MYMK: variants seen among roughly 807,000 people sequenced by gnomAD.
MYMK encodes protein myomaker.
Under a neutral mutation model 22.4 loss-of-function variants are expected in MYMK, and 16 were observed. The observed-to-expected ratio is 0.72, with a 90% CI of 0.48 to 1.09. MYMK has a LOEUF of 1.09. MYMK is among the 50% of genes least tolerant of loss of function. The probability of loss-of-function intolerance (pLI) is 0.00; values close to 1 mark genes in which losing one functional copy is unlikely to be tolerated. For synonymous variants in MYMK, 125 were observed against 127.0 expected (o/e 0.98, Z 0.11); for missense variants, 250 against 295.6 (o/e 0.85, Z 1.13).
intron 3 of MYMK, among the ~76,000 whole-genome samples, chr9:133,517,594 A>G (rs9802874): frequency 0.58 from 86,490 of 150,286 alleles, 25,562 homozygotes; most frequent in Admixed American, 0.73. Flanking sequence ...TCAACCCGGG[A>G]GGCGGAGGTT....
chr9:133,523,953 A>T (rs1043288829), intron 1 of MYMK, among the ~76,000 whole-genome samples: 2 of 152,126 alleles, frequency 1.3e-5, no homozygotes, highest in Non-Finnish European at 2.9e-5. Context: ...AGAAAGAGAG[A>T]GAGAGAAGAC....
chr9:133,520,779 G>T (rs1050608240), intron 1 of MYMK, among the ~76,000 whole-genome samples: 1 of 152,162 alleles, frequency 6.6e-6, no homozygotes, highest in African/African-American at 2.4e-5. Flanking sequence ...GGCTCCTGGG[G>T]CCTTCTCTTG....
chr9:133,519,608 A>G (rs944794227), intron 2 of MYMK, among the ~76,000 whole-genome samples: 3 of 152,212 alleles, frequency 2.0e-5, no homozygotes, highest in Non-Finnish European at 2.9e-5. Context: ...AATCTATCCC[A>G]TAGGATCACA....
chr9:133,520,519 G>A (rs1844690850), intron 1 of MYMK, among the ~76,000 whole-genome samples: 1 of 152,242 alleles, frequency 6.6e-6, no homozygotes, highest in Admixed American at 6.5e-5. Flanking sequence ...TTTAGGGGCT[G>A]GGGTGTGCCA....
At chr9:133,517,236 C>A (rs1844642725) in intron 3 of MYMK, among the ~76,000 whole-genome samples, 1 of 152,232 alleles carries the variant, frequency 6.6e-6, no homozygotes, top group East Asian at 1.9e-4. Flanking sequence ...TGCCACCCAC[C>A]TTGGTCCAGC....
Position 133,514,751 on chromosome 9 carries a change from T to C in MYMK, c.551A>G (p.His184Arg). The change falls in exon 5 of 5, where the codon CAC becomes CGC. Residue 184 changes from histidine to arginine, a missense_variant. By Grantham distance (29) the His-to-Arg change is conservative. Transcript: ENST00000339996. ...WDYTYVHSFYHCALAMSFVLL... is the reference protein window; with the variant it reads ...WDYTYVHSFYRCALAMSFVLL... Reference sequence around the variant, plus strand: ...AACAAAGGACATAGCCAGGGCACAGTGGTAGAAGCTGTGGACATAAGTGTA... The same window carrying C: ...AACAAAGGACATAGCCAGGGCACAGCGGTAGAAGCTGTGGACATAAGTGTA... 6.2e-7 allele frequency: 1 copy of C among 1,614,004 alleles called. No homozygotes were observed. The highest frequency in any genetic ancestry group is 8.5e-7 in the Non-Finnish European group (1 of 1,179,910).
rs372031523 is a variant in MYMK, at chr9:133,514,660, G to A, written c.642C>T (p.Ser214=). 32 of 1,613,736 alleles carry A rather than the reference G, an allele frequency of 2.0e-5. No homozygotes were observed. The African/African-American group carries it at 3.1e-4, about 15-fold the overall frequency. Residue 214 remains serine (S), a synonymous_variant, in exon 5 of 5, where the codon TCC becomes TCT. Coordinates refer to ENST00000339996, the MANE Select transcript of MYMK (RefSeq NM_001080483.3). ...SPGTPAKLDC[S]TLCCACV ...ATCAGACACAAGCACAGCACAGGGT[G>A]GAGCAGTCCAGCTTGGCCGGGGTCC...
chr9:133,519,833 CT>C (rs1374415494), intron 2 of MYMK, among the ~76,000 whole-genome samples: 4 of 152,320 alleles, frequency 2.6e-5, no homozygotes, highest in African/African-American at 7.2e-5. Flanking sequence ...GCCAACCCCC[CT>C]GAGCAGTGAA....
chr9:133,519,223 T>G (rs1844669786), intron 2 of MYMK, among the ~76,000 whole-genome samples: 1 of 152,030 alleles, frequency 6.6e-6, no homozygotes, highest in Non-Finnish European at 1.5e-5. Context: ...AGCCTGCTGC[T>G]TCCCCATGGA....
intron 1 of MYMK, among the ~76,000 whole-genome samples, chr9:133,523,711 GAGAGAGAGAC>G (rs1250383260): frequency 1.1e-5 from 1 of 92,736 alleles, no homozygotes; most frequent in Non-Finnish European, 2.6e-5. Flanking sequence ...GAGAGAGAGA[GAGAGAGAGAC>G]AAGCTGGAGA....
intron 1 of MYMK, among the ~76,000 whole-genome samples, chr9:133,521,949 C>T (rs1441625366): frequency 6.6e-6 from 1 of 152,216 alleles, no homozygotes; most frequent in Non-Finnish European, 1.5e-5. Context: ...CTGTCTGGTC[C>T]CAGTTGCATG....
Position 133,514,784 on chromosome 9 carries a change from T to G in MYMK, c.518A>C (p.Asp173Ala), listed in dbSNP as rs368661960. 5 of 1,613,310 alleles carry G rather than the reference T, an allele frequency of 3.1e-6. No individual in the cohort carries two copies. Among genetic ancestry groups the G allele is most frequent in the African/African-American group, 1.3e-5 (1 of 74,896 alleles). ...GCTGTGGACATAAGTGTAGTCCCAG[T>G]CCTGCGGGGGGCAAGCGGTCAGTCT... ...LALMLRFFFE[D>A]WDYTYVHSFY... Residue 173 changes from aspartate (D) to alanine (A), a missense_variant and splice_region_variant, in exon 5 of 5, where the codon GAC becomes GCC. Asp to Ala is a moderately radical substitution (Grantham distance 126, BLOSUM62 -2). Coordinates refer to ENST00000339996, the MANE Select transcript of MYMK (RefSeq NM_001080483.3).
rs1233219959 is a variant in MYMK at position 133,516,173 on chromosome 9, G to T, written c.400-566C>A. Reference sequence around the variant, plus strand: ...TCGCGTGGGCGTTTCCACTTACAGAGGGGTTTGCATTCCGAGGAAGATGCG... The same window carrying T: ...TCGCGTGGGCGTTTCCACTTACAGATGGGTTTGCATTCCGAGGAAGATGCG... On this transcript the variant is annotated intron_variant, in intron 3 of 4. Coordinates refer to ENST00000339996, the MANE Select transcript of MYMK (RefSeq NM_001080483.3). Among the ~76,000 whole-genome samples the T allele has an allele frequency of 2.0e-5, 3 of 152,390 alleles. No homozygotes were observed. The East Asian group carries it at 5.8e-4, about 29-fold the overall frequency.
At chr9:133,517,080 G>A (rs1844640767) in intron 3 of MYMK, among the ~76,000 whole-genome samples, 1 of 152,186 alleles carries the variant, frequency 6.6e-6, no homozygotes, top group African/African-American at 2.4e-5. Context: ...GCTCTTGGTG[G>A]GAAACACAGC....
At chr9:133,518,679 G>A (rs1362152940) in intron 3 of MYMK, among the ~76,000 whole-genome samples, 195 bp downstream of exon 3, 1 of 152,096 alleles carries the variant, frequency 6.6e-6, no homozygotes, top group African/African-American at 2.4e-5. Flanking sequence ...GGTGAGTACA[G>A]ACAAGCGTCA....
At chr9:133,518,843 C>G (rs778353051) in intron 3 of MYMK, 31 bp downstream of exon 3, 2 of 1,588,284 alleles carry the variant, frequency 1.3e-6, no homozygotes, top group South Asian at 2.2e-5. Context: ...CCTCCTGGGT[C>G]CCCGTTCATC....
At chr9:133,522,345 G>GTGGT (rs375743210) in intron 1 of MYMK, among the ~76,000 whole-genome samples, 5 of 150,814 alleles carry the variant, frequency 3.3e-5, no homozygotes, top group South Asian at 4.2e-4. Flanking sequence ...GTGGCTGTCG[G>GTGGT]GGGGGGGCCT....
chr9:133,514,840 C>A, intron 4 of MYMK, 55 bp from the exon 5 acceptor site: 1 of 1,577,126 alleles, frequency 6.3e-7, no homozygotes, highest in South Asian at 1.2e-5. Flanking sequence ...GAGGCTCCTC[C>A]CTCTCCAAGA....
chr9:133,524,479 GC>G (rs1490228156), intron 1 of MYMK, among the ~76,000 whole-genome samples: 1 of 152,168 alleles, frequency 6.6e-6, no homozygotes, highest in East Asian at 1.9e-4. Flanking sequence ...TCTCACACAG[GC>G]AGTGATCCCA....
Sources: gnomAD v4.1 joint callset for allele counts (sites outside exome capture counted in the v4.1 genomes callset) on GRCh38, gnomAD v4.1.1 for gene constraint, MANE v1.5 for transcripts, NCBI Gene and HGNC (gene_info 2026-07-23, HGNC 2026-07-21) for gene names.